Variants in CNTN5 observed in about 807,000 individuals in gnomAD.
The protein encoded by CNTN5 is contactin 5, also known as contactin-5.
CNTN5 carries 77 observed loss-of-function variants against 129.1 expected under a neutral mutation model. That is an observed-to-expected ratio of 0.60 (90% CI 0.50 to 0.72). The LOEUF is 0.72. CNTN5 is among the 30% of genes least tolerant of loss of function. The pLI, the probability that CNTN5 is intolerant of heterozygous loss-of-function variation, is 0.00. For synonymous variants in CNTN5, 509 were observed against 465.6 expected (o/e 1.09, Z -1.20); for missense variants, 1,478 against 1,328.8 (o/e 1.11, Z -1.75).
chr11:99,203,689 A>G (rs1027142773), intron 1 of CNTN5, among the ~76,000 whole-genome samples: 5 of 152,102 alleles, frequency 3.3e-5, no homozygotes, highest in African/African-American at 9.6e-5. Flanking sequence ...TTCTGGTTCA[A>G]GTGATTCTCC....
intron 8 of CNTN5, among the ~76,000 whole-genome samples, chr11:99,974,053 A>G (rs1448834621): frequency 1.3e-5 from 2 of 152,204 alleles, no homozygotes; most frequent in Non-Finnish European, 2.9e-5. Context: ...TCATCTTTGG[A>G]GCTGTAGAGG....
chr11:100,262,948 A>G (rs1950234262), intron 17 of CNTN5, among the ~76,000 whole-genome samples: 1 of 152,134 alleles, frequency 6.6e-6, no homozygotes, highest in Admixed American at 6.6e-5. Flanking sequence ...TAAAAAAAAG[A>G]AAATCTGATA....
intron 13 of CNTN5, 31 bp from the exon 14 acceptor site, chr11:100,191,095 G>A (rs77965750): frequency 2.0e-6 from 3 of 1,474,132 alleles, no homozygotes; most frequent in African/African-American, 1.4e-5. Flanking sequence ...CAGTAAAACA[G>A]AAAAAAAAAC....
At chr11:100,011,012 C>A (rs1374476811) in intron 9 of CNTN5, among the ~76,000 whole-genome samples, 1 of 152,048 alleles carries the variant, frequency 6.6e-6, no homozygotes, top group Non-Finnish European at 1.5e-5. Flanking sequence ...ATTTTGGGAT[C>A]CCTAGAGCAT....
intron 2 of CNTN5, among the ~76,000 whole-genome samples, chr11:99,383,118 G>A (rs1376532482): frequency 6.6e-6 from 1 of 151,952 alleles, no homozygotes; most frequent in African/African-American, 2.4e-5. Flanking sequence ...GCCTCCCAAA[G>A]TGCTGGGATA....
rs1280416813 is a variant in CNTN5, at chr11:100,161,834, C to CAT, written c.1581-29291_1581-29290insTA. 5.5e-3 allele frequency among the ~76,000 whole-genome samples: 475 copies of CAT among 86,126 alleles called. 5 individuals carry two copies. Among genetic ancestry groups the CAT allele is most frequent in the African/African-American group, 0.012 (352 of 29,988 alleles). The allele number at this position is 86,126 out of a possible 152,430, so 56.5% of individuals were successfully genotyped here. On this transcript the variant is annotated intron_variant, in intron 13 of 24. Coordinates refer to ENST00000524871, the MANE Select transcript of CNTN5 (RefSeq NM_014361.4). Reference sequence around the variant, plus strand: ...AAGGATAGCCCTGGAGCTTCCTACACACACACACACACACACACACACACA... The same window carrying CAT: ...AAGGATAGCCCTGGAGCTTCCTACACATACACACACACACACACACACACACA...
rs117466948 is a variant in CNTN5 at position 99,475,938 on chromosome 11, C to T, written c.-70-80207C>T. Among the ~76,000 whole-genome samples, 29 of 152,128 alleles carry T rather than the reference C, an allele frequency of 1.9e-4. No individual in the cohort carries two copies. The East Asian group carries it at 4.4e-3, about 23-fold the overall frequency. On this transcript the variant is annotated intron_variant, in intron 2 of 24. Transcript: ENST00000524871. ...CCCCTTCTTTTCCTCTTTTCCTTCA[C>T]GTGGAACTTTATTCTGCCACCAGGC...
intron 8 of CNTN5, among the ~76,000 whole-genome samples, chr11:99,963,661 G>T (rs1219284655): frequency 6.6e-6 from 1 of 152,108 alleles, no homozygotes; most frequent in Non-Finnish European, 1.5e-5. Context: ...GGTTCCATAT[G>T]AACTTTAAAG....
chr11:99,482,920 T>C (rs1315932545), intron 2 of CNTN5, among the ~76,000 whole-genome samples: 3 of 151,822 alleles, frequency 2.0e-5, no homozygotes, highest in Non-Finnish European at 2.9e-5. Context: ...AATACAAAAA[T>C]AACTCTTAAA....
At chr11:99,233,229 T>C (rs1282988816) in intron 1 of CNTN5, among the ~76,000 whole-genome samples, 2 of 152,228 alleles carry the variant, frequency 1.3e-5, no homozygotes, top group Non-Finnish European at 2.9e-5. Flanking sequence ...CAGATAAATA[T>C]GCCATTCACT....
intron 4 of CNTN5, among the ~76,000 whole-genome samples, chr11:99,838,327 C>T (rs541473320): frequency 6.6e-6 from 1 of 152,268 alleles, no homozygotes; most frequent in South Asian, 2.1e-4. Context: ...AATCAAACAT[C>T]TATCAAGTAT....
intron 2 of CNTN5, among the ~76,000 whole-genome samples, chr11:99,552,217 T>A (rs895954464): frequency 6.8e-6 from 1 of 147,798 alleles, no homozygotes; most frequent in African/African-American, 2.6e-5. Context: ...GTTTTTGTGT[T>A]TTTTTTTTTG....
At chr11:100,103,172 T>C (rs543950768) in intron 13 of CNTN5, among the ~76,000 whole-genome samples, 3 of 152,356 alleles carry the variant, frequency 2.0e-5, no homozygotes, top group Non-Finnish European at 2.9e-5. Flanking sequence ...TAAATGTTAG[T>C]AAATGTTAAA....
chr11:99,755,467 C>T (rs766387592), intron 3 of CNTN5, among the ~76,000 whole-genome samples: 5 of 152,058 alleles, frequency 3.3e-5, no homozygotes, highest in Non-Finnish European at 7.4e-5. Flanking sequence ...TTGTAATTCC[C>T]TAATGAAGTA....
At chr11:99,482,528 T>C (rs758369413) in intron 2 of CNTN5, among the ~76,000 whole-genome samples, 2 of 152,218 alleles carry the variant, frequency 1.3e-5, no homozygotes, top group Non-Finnish European at 2.9e-5. Context: ...TTTTTGTTCT[T>C]AATGTTTTCA....
chr11:100,159,741 C>G (rs962606992), intron 13 of CNTN5, among the ~76,000 whole-genome samples: 39 of 151,908 alleles, frequency 2.6e-4, no homozygotes, highest in Admixed American at 2.6e-3. Context: ...GACAATAGAG[C>G]ACATGCCAGA....
rs752072024 is a variant in CNTN5 at position 100,001,814 on chromosome 11, TAATG to T, written c.878-217_878-214del. 5.3e-5 allele frequency among the ~76,000 whole-genome samples: 8 copies of T among 152,334 alleles called. No individual in the cohort carries two copies. In the East Asian group the frequency reaches 1.2e-3, roughly 22 times the overall value. ...TTTCAATAATTATTAGTTTAAATGA[TAATG>T]AACATGCATGTAATCTAGTCCTCAG... On this transcript the variant is annotated intron_variant, in intron 8 of 24. Coordinates refer to ENST00000524871, the MANE Select transcript of CNTN5 (RefSeq NM_014361.4).
intron 8 of CNTN5, among the ~76,000 whole-genome samples, chr11:99,999,165 T>C (rs1345652115): frequency 6.6e-6 from 1 of 151,916 alleles, no homozygotes; most frequent in Non-Finnish European, 1.5e-5. Context: ...TGGGATCTAA[T>C]TAAACTAAAG....
intron 13 of CNTN5, among the ~76,000 whole-genome samples, chr11:100,109,405 T>C (rs530752588): frequency 6.6e-6 from 1 of 152,234 alleles, no homozygotes; most frequent in South Asian, 2.1e-4. Context: ...TAGCCTGGGC[T>C]ACAGAGCAAG....
Sources: allele counts gnomAD v4.1 joint callset (sites outside exome capture counted in the v4.1 genomes callset), GRCh38; gene constraint gnomAD v4.1.1; transcripts MANE v1.5; gene names NCBI Gene and HGNC (gene_info 2026-07-23, HGNC 2026-07-21).